The following C4orf36 variants were observed in gnomAD, a reference collection of about 807,000 sequenced individuals.
The protein encoded by C4orf36 is uncharacterized protein C4orf36.
A neutral mutation model predicts 12.2 loss-of-function variants in C4orf36; 11 were observed. The ratio of observed to expected loss-of-function variants is 0.90; its 90% CI spans 0.57 to 1.49. The LOEUF (loss-of-function observed/expected upper bound fraction) is 1.49, where lower values mean the gene tolerates loss of function less well. C4orf36 is among the 40% of genes most tolerant of loss of function. The pLI is 0.00. For missense variants in C4orf36, 137 were observed against 133.9 expected, an observed-to-expected ratio of 1.02 and a Z score of -0.11; for synonymous variants, 54 against 51.3, an observed-to-expected ratio of 1.05 and a Z score of -0.22.
chr4:86,885,528 T>C (rs1747155435), intron 4 of C4orf36, among the ~76,000 whole-genome samples: 1 of 152,220 alleles, frequency 6.6e-6, no homozygotes, highest in Non-Finnish European at 1.5e-5. Flanking sequence ...AGAATGCTTG[T>C]GATTTTTGCA....
intron 2 of C4orf36, among the ~76,000 whole-genome samples, chr4:86,890,711 C>T (rs1392644846): frequency 2.6e-5 from 4 of 152,126 alleles, no homozygotes; most frequent in South Asian, 2.1e-4. Flanking sequence ...CCTAATCAAA[C>T]GTTTAAGAAA....
the C4orf36 span, among the ~76,000 whole-genome samples, chr4:86,897,941 T>C: frequency 6.6e-6 from 1 of 152,080 alleles, no homozygotes; most frequent in East Asian, 1.9e-4. Flanking sequence ...TAGTTCTAAG[T>C]ATAGGAAAAA....
intron 4 of C4orf36, chr4:86,886,332 C>A (rs1560472046): frequency 6.6e-6 from 1 of 152,070 alleles, no homozygotes; most frequent in Non-Finnish European, 1.5e-5. Flanking sequence ...AACAGGCAAC[C>A]TACAGAATGG....
chr4:86,893,350 G>A (rs536830409), upstream of C4orf36, among the ~76,000 whole-genome samples: 2 of 152,306 alleles, frequency 1.3e-5, no homozygotes, highest in African/African-American at 2.4e-5. Flanking sequence ...TTGGGAGGCC[G>A]AGAGGGGCAG....
rs932655431 is a variant in C4orf36, at chr4:86,892,412, G to A, written c.-303C>T. 3 of 985,446 alleles carry A rather than the reference G, an allele frequency of 3.0e-6. No homozygotes were observed. Among genetic ancestry groups the A allele is most frequent in the Non-Finnish European group, 1.2e-6 (1 of 830,050 alleles). 61.0% of individuals were successfully genotyped at this position (985,446 alleles called of 1,614,324 possible). A position where few individuals can be genotyped will look rare whatever the true frequency, so the allele number is the denominator to read the frequency against. ...CACGCCTCCTTCCCGCTCGCCGCGG[G>A]CGCCGAGTCTGGGGCTCCTCGCGTC... On this transcript the variant is annotated 5_prime_UTR_variant, in exon 1 of 5. Coordinates refer to ENST00000295898, the MANE Select transcript of C4orf36 (RefSeq NM_144645.4).
At chr4:86,935,034 C>G in the C4orf36 span, 1 of 151,872 alleles carries the variant, frequency 6.6e-6, no homozygotes, top group Admixed American at 6.6e-5. Flanking sequence ...GCGACGGGCG[C>G]GCGCGGCCCC....
intron 1 of C4orf36, chr4:86,891,938 A>C: frequency 3.1e-6 from 3 of 963,162 alleles, no homozygotes; most frequent in Non-Finnish European, 3.8e-6. Flanking sequence ...CCTGCACAGG[A>C]ACCACCCGCC....
At chr4:86,876,572 A>G in intron 4 of C4orf36, 129 bp from the exon 5 acceptor site, 1 of 1,614,004 alleles carries the variant, frequency 6.2e-7, no homozygotes, top group Non-Finnish European at 8.5e-7. Flanking sequence ...TAGCCCATCA[A>G]AACCTGCAAA....
intron 4 of C4orf36, among the ~76,000 whole-genome samples, chr4:86,885,682 T>C (rs1170752062): frequency 3.3e-5 from 5 of 152,210 alleles, no homozygotes; most frequent in Middle Eastern, 3.4e-3. Context: ...TAACTGAATA[T>C]GCTTTATTTC....
Position 86,892,298 on chromosome 4 carries a change from CG to C in C4orf36, c.-190del. On this transcript the variant is annotated 5_prime_UTR_variant, in exon 1 of 5. Coordinates refer to ENST00000295898, the MANE Select transcript of C4orf36 (RefSeq NM_144645.4). ...CCTGGTTACCCGGGCTCCAGGGGCT[CG>C]GAGGGTCGCGGCCGGGGTACTGAGG... 2 of 985,716 alleles carry C rather than the reference CG, an allele frequency of 2.0e-6. No individual in the cohort carries two copies. The highest frequency in any genetic ancestry group is 2.4e-6 in the Non-Finnish European group (2 of 830,160). The allele number at this position is 985,716 out of a possible 1,614,324, so 61.1% of individuals were successfully genotyped here.
chr4:86,881,271 G>A (rs1203627856), intron 4 of C4orf36, among the ~76,000 whole-genome samples: 2 of 152,146 alleles, frequency 1.3e-5, no homozygotes, highest in African/African-American at 4.8e-5. Context: ...GCATGCCACT[G>A]AAGTTGAATT....
At chr4:86,885,583 T>C (rs553650564) in intron 4 of C4orf36, among the ~76,000 whole-genome samples, 161 of 152,336 alleles carry the variant, frequency 1.1e-3, no homozygotes, top group African/African-American at 3.6e-3. Flanking sequence ...GCTTATCAGC[T>C]TAAGGAGATT....
the C4orf36 span, among the ~76,000 whole-genome samples, chr4:86,906,760 C>T: frequency 1.5e-5 from 2 of 137,018 alleles, no homozygotes; most frequent in Admixed American, 1.5e-4. Context: ...AAAGAATTGG[C>T]TGGGCACGGT....
At chr4:86,884,096 T>C (rs1747111805) in intron 4 of C4orf36, among the ~76,000 whole-genome samples, 1 of 152,180 alleles carries the variant, frequency 6.6e-6, no homozygotes, top group Admixed American at 6.5e-5. Context: ...GTGTGCTTTA[T>C]TGGATTCAAA....
the C4orf36 span, among the ~76,000 whole-genome samples, chr4:86,929,688 TCTTA>T: frequency 6.6e-6 from 1 of 152,226 alleles, no homozygotes; most frequent in Admixed American, 6.5e-5. Context: ...AAGGTTATTC[TCTTA>T]CTTCTCTTTA....
chr4:86,929,163 T>A, the C4orf36 span, among the ~76,000 whole-genome samples: 2 of 152,164 alleles, frequency 1.3e-5, no homozygotes, highest in African/African-American at 4.8e-5. Flanking sequence ...CAACACTCAT[T>A]CATTACCTGA....
chr4:86,904,827 ATGCCACACGTAGC>A, the C4orf36 span, among the ~76,000 whole-genome samples: 5 of 152,180 alleles, frequency 3.3e-5, no homozygotes, highest in Non-Finnish European at 7.3e-5. Flanking sequence ...AAGCAGCAAC[ATGCCACACGTAGC>A]TGCTGTTAAG....
the C4orf36 span, among the ~76,000 whole-genome samples, chr4:86,918,761 A>G: frequency 1.3e-5 from 2 of 152,056 alleles, no homozygotes; most frequent in Non-Finnish European, 2.9e-5. Context: ...CCATGCCTGT[A>G]TTAGTCAGGG....
chr4:86,901,277 C>T, the C4orf36 span, among the ~76,000 whole-genome samples: 77 of 152,052 alleles, frequency 5.1e-4, no homozygotes, highest in African/African-American at 1.7e-3. Context: ...CCACTGAGCC[C>T]GGCCAATGGT....
Sources: gnomAD v4.1 joint callset for allele counts (sites outside exome capture counted in the v4.1 genomes callset) on GRCh38, gnomAD v4.1.1 for gene constraint, MANE v1.5 for transcripts, NCBI Gene and HGNC (gene_info 2026-07-23, HGNC 2026-07-21) for gene names.